GTF2F2: variants seen among roughly 807,000 people sequenced by gnomAD.
GTF2F2 encodes the protein general transcription factor IIF subunit 2.
Under a neutral mutation model 42.2 loss-of-function variants are expected in GTF2F2, and 23 were observed. That is an observed-to-expected ratio of 0.55 (90% confidence interval 0.39 to 0.77). GTF2F2 has a LOEUF of 0.77. Ranked by LOEUF, GTF2F2 falls within the 30% of genes least tolerant of loss-of-function variation. GTF2F2 has a pLI of 0.00. For synonymous variants in GTF2F2, 105 were observed against 100.8 expected, an observed-to-expected ratio of 1.04 and a Z score of -0.25; for missense variants, 261 against 287.2, an observed-to-expected ratio of 0.91 and a Z score of 0.66.
rs115307200 is a variant in GTF2F2, at chr13:45,157,697, C to T, written c.304+5866C>T. Among the ~76,000 whole-genome samples the T allele has an allele frequency of 3.7e-4, 56 of 152,068 alleles. No individual in the cohort carries two copies. The South Asian group carries it at 8.5e-3, about 23-fold the overall frequency. On this transcript the variant is annotated intron_variant, in intron 4 of 7. Coordinates refer to ENST00000340473, the MANE Select transcript of GTF2F2 (RefSeq NM_004128.3). ...AGGCAGTCCTCCCACCTCAGCCTCT[C>T]GAGTAGCTGGAACTACAGTCGCATG... is the stretch of plus-strand genomic sequence containing the variant.
At chr13:45,226,192 C>T (rs544591090) in intron 5 of GTF2F2, among the ~76,000 whole-genome samples, 9 of 152,072 alleles carry the variant, frequency 5.9e-5, no homozygotes, top group African/African-American at 1.4e-4. Flanking sequence ...TTGTGTGATA[C>T]GAATTCAGTA....
chr13:45,210,554 C>T (rs1873591722), intron 5 of GTF2F2, among the ~76,000 whole-genome samples: 1 of 152,182 alleles, frequency 6.6e-6, no homozygotes, highest in South Asian at 2.1e-4. Context: ...GCCACGTTTT[C>T]CCTCCTGCAA....
chr13:45,188,622 A>G (rs1341938435), intron 4 of GTF2F2, among the ~76,000 whole-genome samples: 1 of 152,214 alleles, frequency 6.6e-6, no homozygotes, highest in Non-Finnish European at 1.5e-5. Flanking sequence ...TCAAATAGTT[A>G]CTATTATCCT....
intron 5 of GTF2F2, among the ~76,000 whole-genome samples, chr13:45,249,378 T>A (rs1378837699): frequency 7.6e-6 from 1 of 132,206 alleles, no homozygotes. Context: ...GAGTTTATTT[T>A]TAAAAAAAAA....
chr13:45,234,257 A>G (rs1874834295), intron 5 of GTF2F2, among the ~76,000 whole-genome samples: 1 of 152,238 alleles, frequency 6.6e-6, no homozygotes, highest in South Asian at 2.1e-4. Context: ...TATGTGAAGA[A>G]TAGTCTGATA....
At chr13:45,188,886 C>T (rs774091338) in intron 4 of GTF2F2, among the ~76,000 whole-genome samples, 3 of 151,718 alleles carry the variant, frequency 2.0e-5, no homozygotes, top group South Asian at 2.1e-4. Flanking sequence ...ATATTCTTTA[C>T]TGTTGTGAGA....
rs551828759 is a variant in GTF2F2, at chr13:45,202,322, G to A, written c.305-5102G>A. On this transcript the variant is annotated intron_variant, in intron 4 of 7. Coordinates refer to ENST00000340473, the MANE Select transcript of GTF2F2 (RefSeq NM_004128.3). Reference sequence around the variant, plus strand: ...GAATCGCTTGAACCCAGGAGGCGGAGGTTGCGGTGAGCCAAGATCGCGCCA... The same window carrying A: ...GAATCGCTTGAACCCAGGAGGCGGAAGTTGCGGTGAGCCAAGATCGCGCCA... Among the ~76,000 whole-genome samples the A allele has an allele frequency of 4.7e-4, 72 of 152,316 alleles. 1 individual carries two copies. The highest frequency in any genetic ancestry group is 1.7e-3 in the African/African-American group (70 of 41,564).
At chr13:45,170,189 A>G (rs61013344) in intron 4 of GTF2F2, among the ~76,000 whole-genome samples, 1,811 of 152,214 alleles carry the variant, frequency 0.012, 29 homozygotes, top group African/African-American at 0.037. Flanking sequence ...ACACCCAGCT[A>G]ATTTTTTAAA....
chr13:45,284,002 AT>A lies in GTF2F2; in HGVS notation c.*445del, dbSNP rs1462643429. Reference sequence around the variant, plus strand: ...AAGGAATAAAAACCCAAAGTTCCTTATTTTGAAATTGTCAAAGAACAAAGCG... The same window carrying A: ...AAGGAATAAAAACCCAAAGTTCCTTATTTGAAATTGTCAAAGAACAAAGCG... On this transcript the variant is annotated 3_prime_UTR_variant, in exon 8 of 8. Coordinates refer to ENST00000340473, the MANE Select transcript of GTF2F2 (RefSeq NM_004128.3). The A allele has an allele frequency of 4.6e-5, 7 of 152,188 alleles. No homozygotes were observed. Among genetic ancestry groups the A allele is most frequent in the Non-Finnish European group, 1.0e-4 (7 of 68,020 alleles). 9.4% of individuals were successfully genotyped at this position (152,188 alleles called of 1,614,324 possible).
At chr13:45,145,077 A>G (rs745640594) in intron 2 of GTF2F2, among the ~76,000 whole-genome samples, 1 of 152,150 alleles carries the variant, frequency 6.6e-6, no homozygotes, top group African/African-American at 2.4e-5. Context: ...GAGCTCATCC[A>G]GTAGAGTGGG....
intron 5 of GTF2F2, among the ~76,000 whole-genome samples, chr13:45,250,831 AG>A (rs2138245646): frequency 6.6e-6 from 1 of 152,314 alleles, no homozygotes; most frequent in South Asian, 2.1e-4. Flanking sequence ...TCTAGACTCT[AG>A]CTAGTTGATT....
chr13:45,186,274 CTAT>C (rs1472294665), intron 4 of GTF2F2, among the ~76,000 whole-genome samples: 4 of 128,880 alleles, frequency 3.1e-5, no homozygotes, highest in African/African-American at 1.5e-4. Context: ...GGCACCTGGC[CTAT>C]TTTTTTTTTT....
chr13:45,221,690 C>T (rs1286431594), intron 5 of GTF2F2, among the ~76,000 whole-genome samples: 4 of 152,064 alleles, frequency 2.6e-5, no homozygotes, highest in Non-Finnish European at 4.4e-5. Flanking sequence ...AGGTCAGACT[C>T]ATTAGTGTAG....
At chr13:45,206,606 A>G (rs1339643827) in intron 4 of GTF2F2, 1 of 152,212 alleles carries the variant, frequency 6.6e-6, no homozygotes, top group Non-Finnish European at 1.5e-5. Flanking sequence ...TCCAGGGTAT[A>G]AAGCTGGTAC....
intron 2 of GTF2F2, among the ~76,000 whole-genome samples, chr13:45,149,268 C>G (rs540569260): frequency 6.8e-6 from 1 of 146,108 alleles, no homozygotes; most frequent in Non-Finnish European, 1.5e-5. Context: ...GACCTTGTCT[C>G]TACAAAAAAA....
At chr13:45,280,662 T>C (rs1168989172) in intron 7 of GTF2F2, among the ~76,000 whole-genome samples, 1 of 152,232 alleles carries the variant, frequency 6.6e-6, no homozygotes, top group African/African-American at 2.4e-5. Context: ...AAGAATTCCA[T>C]ATGTTCTACT....
intron 4 of GTF2F2, among the ~76,000 whole-genome samples, chr13:45,153,976 CAAAAA>C (rs71070960): frequency 1.4e-5 from 1 of 71,496 alleles, no homozygotes; most frequent in Admixed American, 1.4e-4. Flanking sequence ...GACTCAGTCT[CAAAAA>C]AAAAAAAAAA....
At chr13:45,269,144 T>A (rs1423881128) in intron 7 of GTF2F2, among the ~76,000 whole-genome samples, 1 of 152,226 alleles carries the variant, frequency 6.6e-6, no homozygotes, top group Non-Finnish European at 1.5e-5. Flanking sequence ...ATTGCCTCAA[T>A]AAGCATAAGA....
rs113119379 is a variant in GTF2F2, at chr13:45,185,064, C to T, written c.305-22360C>T. ...TCTTGAACTCCTGGGCTCAAGTGAT[C>T]CTCCATCCTTGGCCTTTGAAAGTGC... On this transcript the variant is annotated intron_variant, in intron 4 of 7. Transcript: ENST00000340473. 2.2e-3 allele frequency among the ~76,000 whole-genome samples: 333 copies of T among 152,258 alleles called. 7 individuals carry two copies. The highest frequency in any genetic ancestry group is 7.7e-3 in the African/African-American group (318 of 41,492).
Sources: gnomAD v4.1 joint callset for allele counts (sites outside exome capture counted in the v4.1 genomes callset) on GRCh38, gnomAD v4.1.1 for gene constraint, MANE v1.5 for transcripts, NCBI Gene and HGNC (gene_info 2026-07-23, HGNC 2026-07-21) for gene names.